The following KCNQ5 variants were observed in gnomAD, a reference collection of about 807,000 sequenced individuals.
KCNQ5 encodes the protein potassium voltage-gated channel subfamily KQT member 5.
KCNQ5 carries 30 observed loss-of-function variants against 98.2 expected under a neutral mutation model. The observed-to-expected ratio is 0.31, with a 90% confidence interval of 0.23 to 0.41. KCNQ5 has a LOEUF of 0.41. KCNQ5 is among the 10% of genes least tolerant of loss of function. KCNQ5 has a pLI of 1.00. For missense variants in KCNQ5, 835 were observed against 1,182.5 expected (o/e 0.71, Z 4.31); for synonymous variants, 458 against 449.4 (o/e 1.02, Z -0.24).
At chr6:72,880,599 T>TAC in intron 1 of KCNQ5, among the ~76,000 whole-genome samples, 1 of 152,174 alleles carries the variant, frequency 6.6e-6, no homozygotes, top group African/African-American at 2.4e-5. Context: ...GTTACAGACA[T>TAC]ATGTGTGTAT....
chr6:72,959,816 A>G (rs1184319654), intron 1 of KCNQ5, among the ~76,000 whole-genome samples: 1 of 152,222 alleles, frequency 6.6e-6, no homozygotes, highest in Non-Finnish European at 1.5e-5. Flanking sequence ...TTCACGACAC[A>G]ATTCAAACCT....
intron 1 of KCNQ5, among the ~76,000 whole-genome samples, chr6:72,929,447 T>G (rs1183061498): frequency 6.6e-6 from 1 of 152,178 alleles, no homozygotes; most frequent in Non-Finnish European, 1.5e-5. Context: ...GCACAGTCTC[T>G]TATCCATTAA....
chr6:72,783,033 C>A (rs1375187457), intron 1 of KCNQ5, among the ~76,000 whole-genome samples: 5 of 152,066 alleles, frequency 3.3e-5, no homozygotes, highest in African/African-American at 1.2e-4. Flanking sequence ...GGTAGGGGAC[C>A]TAGAGAGAAA....
At chr6:73,157,621 G>A (rs995321145) in intron 10 of KCNQ5, 1 of 773,330 alleles carries the variant, frequency 1.3e-6, no homozygotes, top group South Asian at 1.4e-5. Flanking sequence ...CAGCTGGGTA[G>A]GTGAACGCAG....
At chr6:72,704,720 A>C (rs952239595) in intron 1 of KCNQ5, among the ~76,000 whole-genome samples, 1 of 152,084 alleles carries the variant, frequency 6.6e-6, no homozygotes, top group Admixed American at 6.6e-5. Context: ...GAATGTTACT[A>C]TCTGATCTTT....
chr6:72,974,865 A>G (rs1464331554), intron 1 of KCNQ5, among the ~76,000 whole-genome samples: 2 of 151,774 alleles, frequency 1.3e-5, no homozygotes, highest in Non-Finnish European at 2.9e-5. Flanking sequence ...TCAGCCTCCC[A>G]AGTAGCTGGG....
intron 1 of KCNQ5, among the ~76,000 whole-genome samples, chr6:72,836,014 G>T (rs1457490110): frequency 6.6e-6 from 1 of 152,128 alleles, no homozygotes; most frequent in Non-Finnish European, 1.5e-5. Flanking sequence ...TACAAATTAG[G>T]GTTTTGTTTT....
At chr6:72,665,274 G>C (rs1239335916) in intron 1 of KCNQ5, among the ~76,000 whole-genome samples, 1 of 149,320 alleles carries the variant, frequency 6.7e-6, no homozygotes, top group African/African-American at 2.5e-5. Flanking sequence ...CTTGAACCTG[G>C]GAGACAGAGG....
intron 1 of KCNQ5, among the ~76,000 whole-genome samples, chr6:72,716,934 ACCTACTCC>A (rs1197185755): frequency 1.3e-5 from 2 of 152,240 alleles, no homozygotes; most frequent in African/African-American, 4.8e-5. Context: ...TTTATTAAAC[ACCTACTCC>A]ATGCCAAAGA....
At chr6:73,031,472 A>C (rs1771143670) in intron 2 of KCNQ5, among the ~76,000 whole-genome samples, 1 of 152,224 alleles carries the variant, frequency 6.6e-6, no homozygotes, top group South Asian at 2.1e-4. Flanking sequence ...AATAGATAAT[A>C]AAACAGTATG....
intron 10 of KCNQ5, among the ~76,000 whole-genome samples, chr6:73,145,115 CT>C (rs960399174): frequency 3.0e-4 from 46 of 152,276 alleles, no homozygotes; most frequent in Middle Eastern, 3.4e-3. Context: ...GTCTAATTGA[CT>C]TTTTTATTTC....
At chr6:72,924,950 T>C (rs1307879280) in intron 1 of KCNQ5, among the ~76,000 whole-genome samples, 1 of 152,224 alleles carries the variant, frequency 6.6e-6, no homozygotes, top group Non-Finnish European at 1.5e-5. Flanking sequence ...CAATTAGTTC[T>C]TCTCAAAAAT....
chr6:72,945,091 T>A (rs2150245945), intron 1 of KCNQ5, among the ~76,000 whole-genome samples: 1 of 152,346 alleles, frequency 6.6e-6, no homozygotes, highest in Middle Eastern at 3.4e-3. Context: ...CATATCAGAT[T>A]ATGTCCTTTG....
chr6:72,636,172 A>T (rs1006243719), intron 1 of KCNQ5, among the ~76,000 whole-genome samples: 1 of 152,186 alleles, frequency 6.6e-6, no homozygotes, highest in African/African-American at 2.4e-5. Context: ...TTTTTATGCC[A>T]TGTGGAATTA....
At chr6:73,063,721 T>TAGATGATAGATAGATAGATA (rs1554203585) in intron 3 of KCNQ5, among the ~76,000 whole-genome samples, 2 of 96,034 alleles carry the variant, frequency 2.1e-5, no homozygotes, top group Non-Finnish European at 4.4e-5. Flanking sequence ...GATAGATAGA[T>TAGATGATAGATAGATAGATA]GATAGATAGA....
At chr6:72,791,488 G>C (rs989818619) in intron 1 of KCNQ5, among the ~76,000 whole-genome samples, 14 of 152,068 alleles carry the variant, frequency 9.2e-5, no homozygotes, top group Non-Finnish European at 1.9e-4. Flanking sequence ...CTTCCAGAAA[G>C]GTACATTACA....
intron 1 of KCNQ5, among the ~76,000 whole-genome samples, chr6:72,955,618 A>G (rs1199006483): frequency 2.6e-5 from 4 of 152,188 alleles, no homozygotes; most frequent in Non-Finnish European, 5.9e-5. Context: ...GTTGCAGATT[A>G]ATATAGAAGG....
chr6:73,184,896 G>C (rs191608212), intron 11 of KCNQ5, among the ~76,000 whole-genome samples: 1 of 152,160 alleles, frequency 6.6e-6, no homozygotes, highest in Non-Finnish European at 1.5e-5. Flanking sequence ...GAGAGAGAAG[G>C]GGGGAATTCT....
At chr6:73,175,782 G>A (rs1035542567) in intron 11 of KCNQ5, among the ~76,000 whole-genome samples, 1 of 152,222 alleles carries the variant, frequency 6.6e-6, no homozygotes, top group Admixed American at 6.5e-5. Flanking sequence ...CAGAAAAGTA[G>A]AGTCAATTAC....
Sources: gnomAD v4.1 joint callset for allele counts (sites outside exome capture counted in the v4.1 genomes callset) on GRCh38, gnomAD v4.1.1 for gene constraint, MANE v1.5 for transcripts, NCBI Gene and HGNC (gene_info 2026-07-23, HGNC 2026-07-21) for gene names.